SPIRE1: variants seen among roughly 807,000 people sequenced by gnomAD.
SPIRE1 encodes spire type actin nucleation factor 1.
In SPIRE1, 40 loss-of-function variants were observed where a neutral mutation model predicts 94.1. The observed-to-expected ratio is 0.43, with a 90% CI of 0.33 to 0.55. The LOEUF (loss-of-function observed/expected upper bound fraction) is 0.55. SPIRE1 is among the 20% of genes least tolerant of loss of function. SPIRE1 has a pLI of 0.06. For synonymous variants in SPIRE1, 376 were observed against 371.7 expected, an observed-to-expected ratio of 1.01 and a Z score of -0.13; for missense variants, 838 against 975.2, an observed-to-expected ratio of 0.86 and a Z score of 1.87.
chr18:12,506,128 G>C (rs1228191003), intron 6 of SPIRE1, among the ~76,000 whole-genome samples: 1 of 151,932 alleles, frequency 6.6e-6, no homozygotes, highest in Non-Finnish European at 1.5e-5. Flanking sequence ...TGCAATTATG[G>C]ATGAATAACC....
chr18:12,563,238 G>A (rs1474909352), intron 2 of SPIRE1, among the ~76,000 whole-genome samples: 1 of 151,180 alleles, frequency 6.6e-6, no homozygotes, highest in African/African-American at 2.4e-5. Flanking sequence ...CTAGGTATAT[G>A]GTGTTGATCT....
intron 2 of SPIRE1, among the ~76,000 whole-genome samples, chr18:12,611,179 T>A (rs1725837899): frequency 6.6e-6 from 1 of 152,176 alleles, no homozygotes; most frequent in South Asian, 2.1e-4. Context: ...CCAGCTACCC[T>A]CAAATTTCCT....
chr18:12,615,348 AT>A (rs2037269174), intron 2 of SPIRE1, among the ~76,000 whole-genome samples: 2 of 72,398 alleles, frequency 2.8e-5, no homozygotes, highest in East Asian at 4.1e-4. Flanking sequence ...AAAAAAAAAT[AT>A]ATATATATAT....
chr18:12,546,118 T>C (rs2035159099), intron 3 of SPIRE1, among the ~76,000 whole-genome samples: 1 of 151,990 alleles, frequency 6.6e-6, no homozygotes, highest in Non-Finnish European at 1.5e-5. Context: ...GCCTCCCAAG[T>C]AGCTGGGACT....
intron 12 of SPIRE1, chr18:12,459,682 C>T (rs181089260): frequency 1.9e-5 from 17 of 883,362 alleles, no homozygotes; most frequent in Admixed American, 6.2e-5. Context: ...TCTCAGAGAA[C>T]GCAACAGTTG....
intron 12 of SPIRE1, among the ~76,000 whole-genome samples, chr18:12,458,141 G>C (rs1391114442): frequency 6.6e-6 from 1 of 151,604 alleles, no homozygotes; most frequent in Non-Finnish European, 1.5e-5. Flanking sequence ...ACTGTGCCTG[G>C]CTGGGAACAG....
At chr18:12,655,163 A>G (rs546632600) in intron 1 of SPIRE1, among the ~76,000 whole-genome samples, 1 of 151,948 alleles carries the variant, frequency 6.6e-6, no homozygotes, top group South Asian at 2.1e-4. Context: ...GGCTGCAATG[A>G]GCTATGACTA....
In SPIRE1 at chr18:12,509,854, G is replaced by A. The variant is rs554421872; in HGVS notation, c.807+2600C>T. On this transcript the variant is annotated intron_variant, in intron 5 of 16. Coordinates refer to ENST00000409402, the MANE Select transcript of SPIRE1 (RefSeq NM_001128626.2). ...TCCCAGCACTTTGGGAGGCCAAGGC[G>A]GGCGGATCACCAGGTAGGTCAGGAG... is the stretch of plus-strand genomic sequence containing the variant. Among the ~76,000 whole-genome samples, 67 of 152,218 alleles carry A rather than the reference G, an allele frequency of 4.4e-4. No individual in the cohort carries two copies. In the South Asian group the frequency reaches 4.6e-3, roughly 10 times the overall value.
intron 8 of SPIRE1, among the ~76,000 whole-genome samples, chr18:12,490,883 G>C (rs2033209388): frequency 6.6e-6 from 1 of 152,092 alleles, no homozygotes; most frequent in Non-Finnish European, 1.5e-5. Flanking sequence ...AACAAGGCAA[G>C]GATGACCACT....
chr18:12,580,664 C>A (rs1037405109), intron 2 of SPIRE1, among the ~76,000 whole-genome samples: 1 of 152,252 alleles, frequency 6.6e-6, no homozygotes, highest in East Asian at 1.9e-4. Context: ...TTTATCATGT[C>A]CCTCTCTTGC....
intron 12 of SPIRE1, among the ~76,000 whole-genome samples, chr18:12,461,915 G>T (rs1309068604): frequency 6.6e-6 from 1 of 152,204 alleles, no homozygotes; most frequent in African/African-American, 2.4e-5. Context: ...TTACAGGTGT[G>T]AGCCACTGTG....
At position 12,463,395 on chromosome 18, in the gene SPIRE1, C is replaced by A. The variant is rs368399127; in HGVS notation, c.1594G>T (p.Val532Leu). Residue 532 changes from valine to leucine, a missense_variant, in exon 12 of 17, where the codon GTG becomes TTG. Around this residue, in one of 2 missense-constraint regions of SPIRE1, gnomAD observed 645 missense variants for 804.7 expected, o/e 0.80. Transcript: ENST00000409402. ...CTGGAAGGCGGCAGGAACTGCCTCA[C>A]GTTAGTAGGCGTTTCCTTTTCAATG... ...HSIEKETPTN[V>L]RQFLPPSRQS... 4.3e-6 allele frequency: 7 copies of A among 1,613,922 alleles called. No homozygotes were observed. Among genetic ancestry groups the A allele is most frequent in the African/African-American group, 1.3e-5 (1 of 75,046 alleles).
chr18:12,603,450 C>CTAGG (rs1274675581), intron 2 of SPIRE1, among the ~76,000 whole-genome samples: 2 of 152,114 alleles, frequency 1.3e-5, no homozygotes, highest in Non-Finnish European at 2.9e-5. Context: ...TGGGCCACCC[C>CTAGG]TAGGTAGCTT....
At chr18:12,657,431 G>A in intron 1 of SPIRE1, 99 bp downstream of exon 1, 1 of 994,178 alleles carries the variant, frequency 1.0e-6, no homozygotes, top group Non-Finnish European at 1.3e-6. Flanking sequence ...CAAAATGGGG[G>A]GGGACGGCGG....
intron 2 of SPIRE1, among the ~76,000 whole-genome samples, chr18:12,603,433 T>C (rs8093571): frequency 0.36 from 54,080 of 151,966 alleles, 10,943 homozygotes; most frequent in East Asian, 0.6. Context: ...TATTAATGAT[T>C]GAAGGCTGGG....
intron 8 of SPIRE1, among the ~76,000 whole-genome samples, chr18:12,490,495 A>G (rs1439293059): frequency 1.3e-5 from 2 of 152,170 alleles, no homozygotes; most frequent in African/African-American, 2.4e-5. Flanking sequence ...AACCCCCAAA[A>G]TTACAGGCTA....
upstream of SPIRE1, chr18:12,658,870 G>C (rs562679490): frequency 3.8e-5 from 11 of 293,172 alleles, no homozygotes; most frequent in African/African-American, 2.2e-4. Flanking sequence ...TACATAATTT[G>C]CAGGTGTTAG....
At chr18:12,461,062 T>C (rs1218146434) in intron 12 of SPIRE1, among the ~76,000 whole-genome samples, 2 of 152,086 alleles carry the variant, frequency 1.3e-5, no homozygotes, top group Non-Finnish European at 2.9e-5. Context: ...TTAGTTTATC[T>C]TGCTCTCCTT....
intron 2 of SPIRE1, among the ~76,000 whole-genome samples, chr18:12,587,055 C>T (rs925350440): frequency 6.6e-6 from 1 of 152,170 alleles, no homozygotes; most frequent in African/African-American, 2.4e-5. Context: ...GTAATTCTAT[C>T]AAGTAGGTAT....
Sources: gnomAD v4.1 joint callset for allele counts (sites outside exome capture counted in the v4.1 genomes callset) on GRCh38, gnomAD v4.1.1 for gene constraint, gnomAD v4.1.1 regional missense constraint, MANE v1.5 for transcripts, NCBI Gene and HGNC (gene_info 2026-07-23, HGNC 2026-07-21) for gene names.